Variants in TMEM120B observed in about 807,000 individuals in gnomAD.
TMEM120B encodes the protein transmembrane protein 120B.
TMEM120B carries 31 observed loss-of-function variants against 55.5 expected under a neutral mutation model. The observed-to-expected ratio is 0.56, with a 90% CI of 0.42 to 0.75. The LOEUF (loss-of-function observed/expected upper bound fraction) is 0.75. Ranked by LOEUF, TMEM120B falls within the 30% of genes least tolerant of loss-of-function variation. TMEM120B has a pLI of 0.00. For missense variants in TMEM120B, 399 were observed against 425.5 expected, an observed-to-expected ratio of 0.94 and a Z score of 0.55; for synonymous variants, 203 against 176.3, an observed-to-expected ratio of 1.15 and a Z score of -1.20.
intron 6 of TMEM120B, among the ~76,000 whole-genome samples, 171 bp from the exon 7 acceptor site, chr12:121,770,736 A>C (rs1267934118): frequency 2.0e-5 from 3 of 152,080 alleles, no homozygotes; most frequent in African/African-American, 7.2e-5. Context: ...GGGATGGTGC[A>C]GCCCTGTGGG....
In TMEM120B at chr12:121,779,903, C is replaced by T. The variant is rs1454629952; in HGVS notation, c.*4181C>T. 10 of 506,870 alleles carry T rather than the reference C, an allele frequency of 2.0e-5. No individual in the cohort carries two copies. In the Admixed American group the frequency reaches 2.6e-4, roughly 13 times the overall value. 31.4% of individuals were successfully genotyped at this position (506,870 alleles called of 1,614,324 possible). ...CCCCCACCCTGGCCTCTCTCCAGCTCCGGGCAGGGAGGGGCTGAATCCTGA... is the reference window on the plus strand; with the variant it reads ...CCCCCACCCTGGCCTCTCTCCAGCTTCGGGCAGGGAGGGGCTGAATCCTGA... On this transcript the variant is annotated 3_prime_UTR_variant, in exon 12 of 12. Coordinates refer to ENST00000449592, the MANE Select transcript of TMEM120B (RefSeq NM_001080825.2).
intron 1 of TMEM120B, among the ~76,000 whole-genome samples, chr12:121,733,227 G>C (rs956679730): frequency 3.3e-5 from 5 of 152,064 alleles, no homozygotes; most frequent in African/African-American, 7.2e-5. Context: ...CCACTAAAGA[G>C]TGGAGTGTAT....
rs1241293384 is a variant in TMEM120B at position 121,743,732 on chromosome 12, A to G, written c.173A>G (p.Lys58Arg). Residue 58 changes from lysine to arginine, a missense_variant, in exon 2 of 12, where the codon AAG (lysine) becomes AGG (arginine). By Grantham distance (26) the Lys-to-Arg change is conservative. Transcript: ENST00000449592. ...CAGAAGAAGCACCTCAAGGACTTGA[A>G]GCTTACACTCCAGAGGTAGGTGCAG... Reference protein sequence around the residue: ...SKQKKHLKDLKLTLQRCKRHA... With the variant: ...SKQKKHLKDLRLTLQRCKRHA... 6.2e-7 allele frequency: 1 copy of G among 1,612,712 alleles called. No individual in the cohort carries two copies. Among genetic ancestry groups the G allele is most frequent in the Non-Finnish European group, 8.5e-7 (1 of 1,179,600 alleles).
intron 6 of TMEM120B, among the ~76,000 whole-genome samples, chr12:121,769,535 G>C (rs1229134284): frequency 6.6e-6 from 1 of 150,746 alleles, no homozygotes; most frequent in Non-Finnish European, 1.5e-5. Context: ...GCAAGACCCT[G>C]TCTCTAAAAA....
At chr12:121,742,222 C>G (rs372365760) in intron 1 of TMEM120B, among the ~76,000 whole-genome samples, 3 of 152,034 alleles carry the variant, frequency 2.0e-5, no homozygotes, top group Admixed American at 6.6e-5. Context: ...AGGCTGGTCT[C>G]GAACTCCTGA....
intron 1 of TMEM120B, among the ~76,000 whole-genome samples, chr12:121,733,753 G>GTC (rs1895048907): frequency 6.8e-6 from 1 of 146,074 alleles, no homozygotes; most frequent in African/African-American, 2.6e-5. Flanking sequence ...GGCCAGGCTG[G>GTC]TCTCGAACTC....
intron 1 of TMEM120B, among the ~76,000 whole-genome samples, chr12:121,721,217 C>T (rs749895711): frequency 6.6e-6 from 1 of 152,110 alleles, no homozygotes; most frequent in African/African-American, 2.4e-5. Flanking sequence ...CTCACTTTGT[C>T]GCCCAGGCTG....
Position 121,773,495 on chromosome 12 carries a change from C to G in TMEM120B, c.754C>G (p.His252Asp). 6.2e-7 allele frequency: 1 copy of G among 1,601,274 alleles called. No homozygotes were observed. The highest frequency in any genetic ancestry group is 2.3e-5 in the East Asian group (1 of 43,984). ...GCTGCGGGCCCTGGGGGAGAGGAAC[C>G]ACCTGGATCTCACAGTGGGTGAGTA... Reference protein sequence around the residue: ...YRLRALGERNHLDLTVEGFQS... With the variant: ...YRLRALGERNDLDLTVEGFQS... Residue 252 changes from histidine to aspartate, a missense_variant, in exon 9 of 12, where the codon CAC becomes GAC. By Grantham distance (81) the His-to-Asp change is moderately conservative. Around this residue, in one of 3 missense-constraint regions of TMEM120B, gnomAD observed 260 missense variants for 303.9 expected, o/e 0.86. Coordinates refer to ENST00000449592, the MANE Select transcript of TMEM120B (RefSeq NM_001080825.2).
At chr12:121,743,807 A>T in intron 2 of TMEM120B, 60 bp downstream of exon 2, 1 of 1,220,156 alleles carries the variant, frequency 8.2e-7, no homozygotes, top group Admixed American at 1.8e-5. Context: ...TCCAACTCAA[A>T]ACAGGCTGAA....
intron 1 of TMEM120B, among the ~76,000 whole-genome samples, chr12:121,732,061 C>G (rs1350149538): frequency 1.3e-5 from 2 of 152,138 alleles, no homozygotes; most frequent in African/African-American, 4.8e-5. Context: ...CTCTTGAACC[C>G]AAAAGGCAGA....
chr12:121,753,120 A>G (rs569504024), intron 5 of TMEM120B, among the ~76,000 whole-genome samples: 1 of 152,110 alleles, frequency 6.6e-6, no homozygotes, highest in East Asian at 1.9e-4. Flanking sequence ...CAAAAGGGAG[A>G]GAGAAATGAA....
At chr12:121,761,798 G>A in intron 6 of TMEM120B, 60 bp downstream of exon 6, 1 of 1,411,700 alleles carries the variant, frequency 7.1e-7, no homozygotes, top group Non-Finnish European at 1.0e-6. Flanking sequence ...ATGTCACGAG[G>A]GGCGTCAGAT....
chr12:121,725,365 C>G (rs932686038), intron 1 of TMEM120B, among the ~76,000 whole-genome samples: 1 of 152,104 alleles, frequency 6.6e-6, no homozygotes, highest in Non-Finnish European at 1.5e-5. Context: ...GGGTGAGGGT[C>G]TCCCGTGTTC....
At chr12:121,750,083 C>T (rs1203914393) in intron 3 of TMEM120B, among the ~76,000 whole-genome samples, 2 of 151,850 alleles carry the variant, frequency 1.3e-5, no homozygotes, top group Non-Finnish European at 2.9e-5. Context: ...TTGCCTCCAC[C>T]TCATTGGCTA....
At position 121,730,660 on chromosome 12, in the gene TMEM120B, AAAAC is replaced by A. The variant is rs1358982792; in HGVS notation, c.70-12961_70-12958del. On this transcript the variant is annotated intron_variant, in intron 1 of 11. Coordinates refer to ENST00000449592, the MANE Select transcript of TMEM120B (RefSeq NM_001080825.2). ...GCGAGACACAGTCAAAAAAAAAAAA[AAAAC>A]AAACAAAAAAAAACCGGGCGCGGTG... 1.4e-3 allele frequency among the ~76,000 whole-genome samples: 204 copies of A among 146,926 alleles called. 1 individual carries two copies. The East Asian group carries it at 0.034, about 25-fold the overall frequency.
rs1412182508 is a variant in TMEM120B, at chr12:121,778,859, T to TA, written c.*3137_*3138insA. 1 of 152,668 alleles carries TA rather than the reference T, an allele frequency of 6.6e-6. No individual in the cohort carries two copies. Among genetic ancestry groups the TA allele is most frequent in the Non-Finnish European group, 1.5e-5 (1 of 68,408 alleles). The allele number at this position is 152,668 out of a possible 1,614,324, so 9.5% of individuals were successfully genotyped here. A position where few individuals can be genotyped will look rare whatever the true frequency, so the allele number is the denominator to read the frequency against. On this transcript the variant is annotated 3_prime_UTR_variant, in exon 12 of 12. Transcript: ENST00000449592. Reference sequence around the variant, plus strand: ...TCAGATGGGTGGTCCAGGGTATACTTTTAACAACTGAGAAGCCATTTTTTC... The same window carrying TA: ...TCAGATGGGTGGTCCAGGGTATACTTATTAACAACTGAGAAGCCATTTTTTC...
At chr12:121,767,555 A>T (rs1365820113) in intron 6 of TMEM120B, among the ~76,000 whole-genome samples, 1 of 152,188 alleles carries the variant, frequency 6.6e-6, no homozygotes, top group African/African-American at 2.4e-5. Context: ...AGGTTTTAAA[A>T]CAGATTCTGG....
rs779598536 is a variant in TMEM120B at position 121,780,864 on chromosome 12, C to T, written c.*5142C>T. The T allele has an allele frequency of 8.1e-6, 13 of 1,610,946 alleles. No homozygotes were observed. Among genetic ancestry groups the T allele is most frequent in the African/African-American group, 4.0e-5 (3 of 74,914 alleles). On this transcript the variant is annotated 3_prime_UTR_variant, in exon 12 of 12. Coordinates refer to ENST00000449592, the MANE Select transcript of TMEM120B (RefSeq NM_001080825.2). ...CGGCTGTGCCCCAGGGTCTTGGCCC[C>T]GGCCCACCTGCATGTAGGTGATGGG...
chr12:121,772,109 TTCTCTCTC>T (rs199806160), intron 8 of TMEM120B, among the ~76,000 whole-genome samples: 7 of 147,324 alleles, frequency 4.8e-5, no homozygotes, highest in Admixed American at 2.0e-4. Context: ...CTTTCTCTCT[TTCTCTCTC>T]TCTCTCTTTC....
Sources: allele counts gnomAD v4.1 joint callset (sites outside exome capture counted in the v4.1 genomes callset), GRCh38; gene constraint gnomAD v4.1.1; regional missense constraint gnomAD v4.1.1; transcripts MANE v1.5; gene names NCBI Gene and HGNC (gene_info 2026-07-23, HGNC 2026-07-21).